MFSD6: variants seen among roughly 807,000 people sequenced by gnomAD.
MFSD6 encodes the protein major facilitator superfamily domain containing 6.
MFSD6 carries 26 observed loss-of-function variants against 56.3 expected under a neutral mutation model. The ratio of observed to expected loss-of-function variants is 0.46; its 90% CI spans 0.34 to 0.64. The LOEUF is 0.64. Ranked by LOEUF, MFSD6 falls within the 30% of genes least tolerant of loss-of-function variation. The probability of loss-of-function intolerance (pLI) is 0.01; values close to 1 mark genes in which losing one functional copy is unlikely to be tolerated. For synonymous variants in MFSD6, 331 were observed against 366.9 expected (o/e 0.90, Z 1.12); for missense variants, 750 against 986.2 (o/e 0.76, Z 3.21).
chr2:190,479,225 A>G (rs1688520641), intron 4 of MFSD6, among the ~76,000 whole-genome samples: 1 of 152,198 alleles, frequency 6.6e-6, no homozygotes, highest in South Asian at 2.1e-4. Flanking sequence ...TTTCTTTCCC[A>G]TGATCTTTCT....
Position 190,437,676 on chromosome 2 carries a change from G to T in MFSD6, c.1532+115G>T. 1 of 1,259,628 alleles carries T rather than the reference G, an allele frequency of 7.9e-7. No individual in the cohort carries two copies. The highest frequency in any genetic ancestry group is 2.4e-5 in the East Asian group (1 of 40,860). 78.0% of individuals were successfully genotyped at this position (1,259,628 alleles called of 1,614,324 possible). Reference sequence around the variant, plus strand: ...TATAATTTGTGTTGAGGATAGGGTTGGAGTGGAAATGGGGATTTCTGTTTC... The same window carrying T: ...TATAATTTGTGTTGAGGATAGGGTTTGAGTGGAAATGGGGATTTCTGTTTC... On this transcript the variant is annotated intron_variant, in intron 3 of 7. Transcript: ENST00000392328. The surrounding 1 kb of genome is among the most constrained non-coding windows in gnomAD (Gnocchi z 5.9).
At position 190,456,749 on chromosome 2, in the gene MFSD6, C is replaced by A. The variant is rs1687058255; in HGVS notation, c.1533-13009C>A. Among the ~76,000 whole-genome samples, 1 of 152,198 alleles carries A rather than the reference C, an allele frequency of 6.6e-6. No individual in the cohort carries two copies. Among genetic ancestry groups the A allele is most frequent in the African/African-American group, 2.4e-5 (1 of 41,452 alleles). ...TCCAGCTGCAGGTAAGAGGTGGAAA[C>A]CTTGGCTCACCCCTCGTCCTGCCTC... is the stretch of plus-strand genomic sequence containing the variant. On this transcript the variant is annotated intron_variant, in intron 3 of 7. Transcript: ENST00000392328. The surrounding 1 kb of genome is among the most constrained non-coding windows in gnomAD (Gnocchi z 5.4).
rs764557422 is a variant in MFSD6, at chr2:190,467,262, A to C, written c.1533-2496A>C. 1.3e-5 allele frequency among the ~76,000 whole-genome samples: 2 copies of C among 152,216 alleles called. No homozygotes were observed. Among genetic ancestry groups the C allele is most frequent in the African/African-American group, 4.8e-5 (2 of 41,456 alleles). Reference sequence around the variant, plus strand: ...CAACCATAGAGATCTTTATTGAGATAGGTGTGGGCCTCGGCATCTGTAGTT... The same window carrying C: ...CAACCATAGAGATCTTTATTGAGATCGGTGTGGGCCTCGGCATCTGTAGTT... On this transcript the variant is annotated intron_variant, in intron 3 of 7. Transcript: ENST00000392328. The surrounding 1 kb of genome is among the most constrained non-coding windows in gnomAD (Gnocchi z 5.5).
chr2:190,445,457 CA>C (rs10650684), intron 3 of MFSD6, among the ~76,000 whole-genome samples: 66 of 143,774 alleles, frequency 4.6e-4, no homozygotes, highest in Non-Finnish European at 8.1e-4. Context: ...GCCCCAATCA[CA>C]AAAAAAAAAA....
chr2:190,412,067 TATC>T lies in MFSD6; in HGVS notation c.-175-3222_-175-3220del, dbSNP rs1394331362. 2.0e-6 allele frequency: 2 copies of T among 984,846 alleles called. No individual in the cohort carries two copies. Among genetic ancestry groups the T allele is most frequent in the African/African-American group, 1.7e-5 (1 of 57,226 alleles). 61.0% of individuals were successfully genotyped at this position (984,846 alleles called of 1,614,324 possible). ...TAGTAACAATTTAGGAGAAGCAAGT[TATC>T]ATAAAGTTAAACTAATCTGATGCAT... On this transcript the variant is annotated intron_variant, in intron 1 of 7. Transcript: ENST00000392328. The surrounding 1 kb of genome is among the most constrained non-coding windows in gnomAD (Gnocchi z 4.1).
Position 190,437,638 on chromosome 2 carries a change from A to G in MFSD6, c.1532+77A>G, listed in dbSNP as rs1686224635. 2 of 1,472,556 alleles carry G rather than the reference A, an allele frequency of 1.4e-6. No homozygotes were observed. Among genetic ancestry groups the G allele is most frequent in the Non-Finnish European group, 1.8e-6 (2 of 1,091,930 alleles). 91.2% of individuals were successfully genotyped at this position (1,472,556 alleles called of 1,614,324 possible). A position where few individuals can be genotyped will look rare whatever the true frequency, so the allele number is the denominator to read the frequency against. ...TATGGTTTATAGCTCCTTCTACTAC[A>G]ATTTTAAGGTATTATAATTTGTGTT... is the stretch of plus-strand genomic sequence containing the variant. On this transcript the variant is annotated intron_variant, in intron 3 of 7. Transcript: ENST00000392328. This position sits in a 1 kb window ranked among gnomAD's most constrained non-coding sequence, Gnocchi z 5.9.
At chr2:190,430,864 C>T (rs371968989) in intron 2 of MFSD6, among the ~76,000 whole-genome samples, 13,219 of 88,874 alleles carry the variant, frequency 0.15, 258 homozygotes, top group East Asian at 0.19. Context: ...ACCTCCCTCC[C>T]GGACGGGGCG....
In MFSD6 at chr2:190,467,584, G is replaced by A. The variant is rs1687672552; in HGVS notation, c.1533-2174G>A. ...GCCGAGATCGTGCCACTGCTCTCTAGCCTCGGCAACAGAGCGAGACTCTGT... is the reference window on the plus strand; with the variant it reads ...GCCGAGATCGTGCCACTGCTCTCTAACCTCGGCAACAGAGCGAGACTCTGT... On this transcript the variant is annotated intron_variant, in intron 3 of 7. Coordinates refer to ENST00000392328, the MANE Select transcript of MFSD6 (RefSeq NM_017694.4). The surrounding 1 kb of genome is among the most constrained non-coding windows in gnomAD (Gnocchi z 5.5). 6.6e-6 allele frequency among the ~76,000 whole-genome samples: 1 copy of A among 152,142 alleles called. No homozygotes were observed. Among genetic ancestry groups the A allele is most frequent in the African/African-American group, 2.4e-5 (1 of 41,420 alleles).
rs1435286489 is a variant in MFSD6, at chr2:190,437,993, G to A, written c.1532+432G>A. Among the ~76,000 whole-genome samples the A allele has an allele frequency of 6.6e-6, 1 of 151,586 alleles. No individual in the cohort carries two copies. The highest frequency in any genetic ancestry group is 1.5e-5 in the Non-Finnish European group (1 of 68,006). ...TTATTCTCAGCCACTTGCTGACATA[G>A]ATAGAGCCTGAATATATGGCATCTA... On this transcript the variant is annotated intron_variant, in intron 3 of 7. Transcript: ENST00000392328. This position sits in a 1 kb window ranked among gnomAD's most constrained non-coding sequence, Gnocchi z 5.9.
rs1422288801 is a variant in MFSD6 at position 190,412,535 on chromosome 2, T to C, written c.-175-2757T>C. The C allele has an allele frequency of 1.0e-6, 1 of 985,354 alleles. No homozygotes were observed. The allele number at this position is 985,354 out of a possible 1,614,324, so 61.0% of individuals were successfully genotyped here. Reference sequence around the variant, plus strand: ...AAACTCAACTAACATGGCATTTCCTTGGGCATAGCATTTTTGATTCCTGGG... The same window carrying C: ...AAACTCAACTAACATGGCATTTCCTCGGGCATAGCATTTTTGATTCCTGGG... On this transcript the variant is annotated intron_variant, in intron 1 of 7. Coordinates refer to ENST00000392328, the MANE Select transcript of MFSD6 (RefSeq NM_017694.4). The surrounding 1 kb of genome is among the most constrained non-coding windows in gnomAD (Gnocchi z 4.1).
intron 4 of MFSD6, among the ~76,000 whole-genome samples, chr2:190,481,719 G>T (rs756367087): frequency 4.5e-4 from 68 of 152,240 alleles, no homozygotes; most frequent in Non-Finnish European, 8.8e-4. Context: ...TTGAATGCAT[G>T]AAGGGGATTC....
rs1374434164 is a variant in MFSD6, at chr2:190,426,397, A to G, written c.-53-9580A>G. Among the ~76,000 whole-genome samples the G allele has an allele frequency of 6.6e-6, 1 of 151,242 alleles. No homozygotes were observed. The highest frequency in any genetic ancestry group is 1.9e-4 in the East Asian group (1 of 5,172). On this transcript the variant is annotated intron_variant, in intron 2 of 7. Transcript: ENST00000392328. This position sits in a 1 kb window ranked among gnomAD's most constrained non-coding sequence, Gnocchi z 4.7. ...TTATAAGTTTTCCATTTTTTCTTCC[A>G]TTTCTTTGCTGAGACTTTCTGTTTT...
At chr2:190,411,752 G>C (rs1044014840) in intron 1 of MFSD6, 26 of 985,298 alleles carry the variant, frequency 2.6e-5, no homozygotes, top group South Asian at 4.7e-5. Flanking sequence ...AGGGTAAAGA[G>C]TCTCAGGTGA....
rs114534369 is a variant in MFSD6 at position 190,489,305 on chromosome 2, T to C, written c.1793-463T>C. The stretch of plus-strand genomic sequence containing the variant: ...CTTATTAGAAACATAGGAGCTGAAA[T>C]AGGAATGAGATTATTCTGCTCCAGG... On this transcript the variant is annotated intron_variant, in intron 5 of 7. Coordinates refer to ENST00000392328, the MANE Select transcript of MFSD6 (RefSeq NM_017694.4). The surrounding 1 kb of genome is among the most constrained non-coding windows in gnomAD (Gnocchi z 6.6). 1.2e-3 allele frequency among the ~76,000 whole-genome samples: 189 copies of C among 152,318 alleles called. 1 individual carries two copies. The highest frequency in any genetic ancestry group is 4.2e-3 in the African/African-American group (174 of 41,562).
rs77588903 is a variant in MFSD6, at chr2:190,437,302, A to G, written c.1273A>G (p.Thr425Ala). 16 of 1,614,108 alleles carry G rather than the reference A, an allele frequency of 9.9e-6. No individual in the cohort carries two copies. The highest frequency in any genetic ancestry group is 2.2e-5 in the East Asian group (1 of 44,898). ...NSTESSEETP[T>A]TTSHSQAFNF... is the part of the protein sequence containing the mutation. ...TACAGAGTCCTCTGAGGAGACACCA[A>G]CCACCACAAGCCACTCGCAGGCCTT... Residue 425 changes from threonine to alanine, a missense_variant, in exon 3 of 8, where the codon ACC becomes GCC. By Grantham distance (58) the Thr-to-Ala change is moderately conservative. Transcript: ENST00000392328. This position sits in a 1 kb window ranked among gnomAD's most constrained non-coding sequence, Gnocchi z 5.9.
At chr2:190,486,359 C>T (rs374769933) in intron 4 of MFSD6, among the ~76,000 whole-genome samples, 18 of 152,314 alleles carry the variant, frequency 1.2e-4, no homozygotes, top group African/African-American at 4.1e-4. Flanking sequence ...CTGCTGAATA[C>T]GTTAGGGGAG....
At position 190,410,769 on chromosome 2, in the gene MFSD6, A is replaced by G. The variant is rs1690524785; in HGVS notation, c.-176+2266A>G. 6.6e-6 allele frequency among the ~76,000 whole-genome samples: 1 copy of G among 152,178 alleles called. No homozygotes were observed. Among genetic ancestry groups the G allele is most frequent in the African/African-American group, 2.4e-5 (1 of 41,442 alleles). ...AATCAAGATGCTGTATATTAAATGA[A>G]AAAAATGGCTGGGCAAGGTGGCTCA... On this transcript the variant is annotated intron_variant, in intron 1 of 7. Coordinates refer to ENST00000392328, the MANE Select transcript of MFSD6 (RefSeq NM_017694.4). This position sits in a 1 kb window ranked among gnomAD's most constrained non-coding sequence, Gnocchi z 4.4.
At position 190,492,169 on chromosome 2, in the gene MFSD6, C is replaced by A. The variant is rs1042624497; in HGVS notation, c.1891+2303C>A. Reference sequence around the variant, plus strand: ...GAAGTTTAGGATTATGTTAAATAAACAAACCTAAGAATAATTGGAGTTCCT... The same window carrying A: ...GAAGTTTAGGATTATGTTAAATAAAAAAACCTAAGAATAATTGGAGTTCCT... On this transcript the variant is annotated intron_variant, in intron 6 of 7. Coordinates refer to ENST00000392328, the MANE Select transcript of MFSD6 (RefSeq NM_017694.4). The surrounding 1 kb of genome is among the most constrained non-coding windows in gnomAD (Gnocchi z 5.2). Among the ~76,000 whole-genome samples the A allele has an allele frequency of 3.9e-5, 6 of 152,052 alleles. No homozygotes were observed. The highest frequency in any genetic ancestry group is 1.2e-4 in the African/African-American group (5 of 41,424).
rs1291307398 is a variant in MFSD6 at position 190,425,518 on chromosome 2, T to C, written c.-54+10105T>C. On this transcript the variant is annotated intron_variant, in intron 2 of 7. Coordinates refer to ENST00000392328, the MANE Select transcript of MFSD6 (RefSeq NM_017694.4). This position sits in a 1 kb window ranked among gnomAD's most constrained non-coding sequence, Gnocchi z 4.3. ...GAGAACATTCCCCTCTGTTCTTAGT[T>C]TTCTGAGACTTTTACCTCAGAACCT... 1.3e-5 allele frequency among the ~76,000 whole-genome samples: 2 copies of C among 152,214 alleles called. No individual in the cohort carries two copies. Among genetic ancestry groups the C allele is most frequent in the Non-Finnish European group, 2.9e-5 (2 of 68,032 alleles).
Sources: gnomAD v4.1 joint callset for allele counts (sites outside exome capture counted in the v4.1 genomes callset) on GRCh38, gnomAD v4.1.1 for gene constraint, Gnocchi (gnomAD v3.1) non-coding constraint, MANE v1.5 for transcripts, NCBI Gene and HGNC (gene_info 2026-07-23, HGNC 2026-07-21) for gene names.